The following PRKN variants were observed in gnomAD, a reference collection of about 807,000 sequenced individuals.
PRKN encodes the protein parkin RBR E3 ubiquitin protein ligase, also known as E3 ubiquitin-protein ligase parkin.
A neutral mutation model predicts 59.5 loss-of-function variants in PRKN; 56 were observed. The ratio of observed to expected loss-of-function variants is 0.94; its 90% CI spans 0.76 to 1.18. PRKN has a LOEUF of 1.18. PRKN is among the 50% of genes most tolerant of loss of function. The pLI, the probability that PRKN is intolerant of heterozygous loss-of-function variation, is 0.00. For missense variants in PRKN, 657 were observed against 596.4 expected (o/e 1.10, Z -1.06); for synonymous variants, 250 against 222.1 (o/e 1.13, Z -1.12).
At chr6:162,382,184 A>G (rs905836663) in intron 2 of PRKN, among the ~76,000 whole-genome samples, 2 of 152,232 alleles carry the variant, frequency 1.3e-5, no homozygotes, top group Non-Finnish European at 2.9e-5. Flanking sequence ...TAGTCACCTA[A>G]TGATGCTGAT....
intron 2 of PRKN, among the ~76,000 whole-genome samples, chr6:162,306,302 A>G (rs1782222724): frequency 6.6e-6 from 1 of 152,162 alleles, no homozygotes; most frequent in Non-Finnish European, 1.5e-5. Context: ...AAGGGGCTGC[A>G]GGGCTGGAGA....
chr6:161,441,016 G>A (rs7762687), intron 9 of PRKN, among the ~76,000 whole-genome samples: 4,430 of 152,248 alleles, frequency 0.029, 224 homozygotes, highest in African/African-American at 0.1. Flanking sequence ...TAACAAAAAT[G>A]TTCTGAACTA....
intron 4 of PRKN, among the ~76,000 whole-genome samples, chr6:162,075,964 C>CT (rs201642343): frequency 0.18 from 23,183 of 130,794 alleles, 2,557 homozygotes; most frequent in East Asian, 0.51. Context: ...GAAAGGCTTG[C>CT]TTTTTTTTTT....
At chr6:162,515,380 G>A (rs1168774327) in intron 1 of PRKN, among the ~76,000 whole-genome samples, 1 of 152,080 alleles carries the variant, frequency 6.6e-6, no homozygotes, top group African/African-American at 2.4e-5. Flanking sequence ...ACCGCACCTG[G>A]TGACAACTTA....
At position 161,902,564 on chromosome 6, in the gene PRKN, A is replaced by ATCTATTTTTTTTTT. The variant is rs1242030157; in HGVS notation, c.734+70737_734+70738insAAAAAAAAAATAGA. ...TATCTATCTATTTATTTATTTATTT[A>ATCTATTTTTTTTTT]TTTTTTTTTTTTTGCGACAGAGTCT... is the stretch of plus-strand genomic sequence containing the variant. On this transcript the variant is annotated intron_variant, in intron 6 of 11. Coordinates refer to ENST00000366898, the MANE Select transcript of PRKN (RefSeq NM_004562.3). Among the ~76,000 whole-genome samples, 31 of 112,050 alleles carry ATCTATTTTTTTTTT rather than the reference A, an allele frequency of 2.8e-4. 2 individuals are homozygous for ATCTATTTTTTTTTT. Among genetic ancestry groups the ATCTATTTTTTTTTT allele is most frequent in the African/African-American group, 1.0e-3 (30 of 29,908 alleles). The allele number at this position is 112,050 out of a possible 152,430, so 73.5% of individuals were successfully genotyped here. A position where few individuals can be genotyped will look rare whatever the true frequency, so the allele number is the denominator to read the frequency against.
At chr6:162,050,084 CAA>C (rs1281455895) in intron 5 of PRKN, among the ~76,000 whole-genome samples, 1 of 152,202 alleles carries the variant, frequency 6.6e-6, no homozygotes, top group African/African-American at 2.4e-5. Context: ...CTCAAAACCT[CAA>C]AAGTCTCCTT....
chr6:162,325,114 G>A (rs1277084802), intron 2 of PRKN, among the ~76,000 whole-genome samples: 1 of 112,966 alleles, frequency 8.9e-6, no homozygotes, highest in African/African-American at 3.1e-5. Context: ...ATTTCAGAAG[G>A]AAATGTTTTC....
In PRKN at chr6:162,181,376, T is replaced by C. The variant is rs78404130; in HGVS notation, c.534+19755A>G. 2.8e-3 allele frequency among the ~76,000 whole-genome samples: 420 copies of C among 152,350 alleles called. 2 individuals are homozygous for C. The highest frequency in any genetic ancestry group is 9.1e-3 in the African/African-American group (379 of 41,582). ...AAGTGGATGCTTGGTGTTACCAACA[T>C]CTGCACATGAGCTGAATAAGGATGA... On this transcript the variant is annotated intron_variant, in intron 4 of 11. Coordinates refer to ENST00000366898, the MANE Select transcript of PRKN (RefSeq NM_004562.3).
intron 1 of PRKN, among the ~76,000 whole-genome samples, chr6:162,714,315 T>C (rs1778645569): frequency 6.6e-6 from 1 of 152,186 alleles, no homozygotes; most frequent in African/African-American, 2.4e-5. Context: ...ACTTCCTTCT[T>C]TGCTTTGCGT....
intron 1 of PRKN, among the ~76,000 whole-genome samples, chr6:162,686,826 A>G (rs2128234124): frequency 6.6e-6 from 1 of 152,280 alleles, no homozygotes; most frequent in South Asian, 2.1e-4. Context: ...GGCACTCCGT[A>G]GATATATGGC....
At chr6:161,553,236 C>T (rs1013257707) in intron 8 of PRKN, among the ~76,000 whole-genome samples, 1 of 151,792 alleles carries the variant, frequency 6.6e-6, no homozygotes, top group Non-Finnish European at 1.5e-5. Flanking sequence ...CTTCATTTTG[C>T]TGATTGTATC....
At chr6:161,666,130 T>A (rs1439018178) in intron 7 of PRKN, among the ~76,000 whole-genome samples, 5 of 152,150 alleles carry the variant, frequency 3.3e-5, no homozygotes, top group South Asian at 2.1e-4. Flanking sequence ...AATTACAATA[T>A]CTATTTTGGG....
At chr6:162,011,012 T>TATATGTTATAATATATA (rs1782606674) in intron 5 of PRKN, among the ~76,000 whole-genome samples, 1 of 16,696 alleles carries the variant, frequency 6.0e-5, no homozygotes, top group African/African-American at 5.0e-4. Context: ...ATATTTATAA[T>TATATGTTATAATATATA]ATATATTATA....
chr6:162,110,990 C>T (rs1170708779), intron 4 of PRKN, among the ~76,000 whole-genome samples: 2 of 152,156 alleles, frequency 1.3e-5, no homozygotes, highest in African/African-American at 4.8e-5. Context: ...GAAGTTGTGG[C>T]TGACATGACC....
chr6:161,769,832 C>A (rs1284652433), intron 7 of PRKN, among the ~76,000 whole-genome samples: 1 of 152,114 alleles, frequency 6.6e-6, no homozygotes, highest in Non-Finnish European at 1.5e-5. Flanking sequence ...TAACCACCAC[C>A]CACCTGAAAC....
chr6:161,645,301 G>A (rs1290720762), intron 7 of PRKN, among the ~76,000 whole-genome samples: 1 of 151,856 alleles, frequency 6.6e-6, no homozygotes, highest in African/African-American at 2.4e-5. Context: ...GGATGTAGAT[G>A]CTTAACTTAA....
At chr6:162,499,025 C>T (rs906726812) in intron 1 of PRKN, among the ~76,000 whole-genome samples, 3 of 152,142 alleles carry the variant, frequency 2.0e-5, no homozygotes, top group Non-Finnish European at 2.9e-5. Flanking sequence ...AAATTAGATT[C>T]TAACATGTTC....
intron 2 of PRKN, among the ~76,000 whole-genome samples, chr6:162,331,062 C>T (rs995835273): frequency 6.6e-6 from 1 of 152,128 alleles, no homozygotes; most frequent in East Asian, 1.9e-4. Context: ...GGCACACTGG[C>T]TCACACCTGT....
chr6:162,191,124 C>T (rs973778733), intron 4 of PRKN, among the ~76,000 whole-genome samples: 4 of 152,142 alleles, frequency 2.6e-5, no homozygotes, highest in African/African-American at 9.7e-5. Context: ...CTGATGAGTT[C>T]AGGAAAGTGG....
Sources: gnomAD v4.1 joint callset for allele counts (sites outside exome capture counted in the v4.1 genomes callset) on GRCh38, gnomAD v4.1.1 for gene constraint, MANE v1.5 for transcripts, NCBI Gene and HGNC (gene_info 2026-07-23, HGNC 2026-07-21) for gene names.